The following IMPG1 variants were observed in gnomAD, a reference collection of about 807,000 sequenced individuals.
The protein encoded by IMPG1 is interphotoreceptor matrix proteoglycan of 150 kDa.
Under a neutral mutation model 92.0 loss-of-function variants are expected in IMPG1, and 85 were observed. The ratio of observed to expected loss-of-function variants is 0.92; its 90% CI spans 0.78 to 1.11. The LOEUF is 1.11. Among genes scored for constraint, IMPG1 ranks in the 50% least tolerant of loss-of-function variants. The pLI is 0.00. For missense variants in IMPG1, 1,022 were observed against 956.0 expected (o/e 1.07, Z -0.91); for synonymous variants, 367 against 334.1 (o/e 1.10, Z -1.08).
At chr6:76,035,431 G>A (rs562850605) in intron 2 of IMPG1, among the ~76,000 whole-genome samples, 1 of 151,114 alleles carries the variant, frequency 6.6e-6, no homozygotes, top group Non-Finnish European at 1.5e-5. Context: ...CCTGGGAGGC[G>A]GAGGTTGCGG....
intron 12 of IMPG1, among the ~76,000 whole-genome samples, chr6:75,958,441 G>A (rs111926795): frequency 1.3e-5 from 2 of 152,246 alleles, no homozygotes; most frequent in African/African-American, 4.8e-5. Context: ...TGTCTTGCTA[G>A]GTTGGTGAAG....
chr6:76,028,165 A>G (rs1324499110), intron 4 of IMPG1, among the ~76,000 whole-genome samples: 1 of 152,232 alleles, frequency 6.6e-6, no homozygotes, highest in African/African-American at 2.4e-5. Context: ...AGTTATTGTA[A>G]ACCATGGAGA....
intron 14 of IMPG1, among the ~76,000 whole-genome samples, chr6:75,941,539 G>T (rs1173715138): frequency 6.6e-6 from 1 of 152,088 alleles, no homozygotes; most frequent in Non-Finnish European, 1.5e-5. Flanking sequence ...TTTGCCTTTT[G>T]GCTTTCAATG....
chr6:76,046,572 C>G (rs1442800824), intron 1 of IMPG1, among the ~76,000 whole-genome samples: 2 of 152,188 alleles, frequency 1.3e-5, no homozygotes, highest in East Asian at 3.8e-4. Flanking sequence ...TGTCACTCAA[C>G]TATTCAAAAT....
intron 12 of IMPG1, among the ~76,000 whole-genome samples, chr6:75,984,694 C>T (rs1782685015): frequency 6.6e-6 from 1 of 152,148 alleles, no homozygotes. Context: ...AAATGTGAAT[C>T]CCCAGTGTTG....
At chr6:76,006,563 C>T (rs1023157497) in intron 9 of IMPG1, among the ~76,000 whole-genome samples, 2 of 148,996 alleles carry the variant, frequency 1.3e-5, no homozygotes, top group African/African-American at 2.5e-5. Flanking sequence ...TATATATATA[C>T]ATATGTGTTG....
intron 12 of IMPG1, among the ~76,000 whole-genome samples, chr6:75,970,959 C>T (rs1782403476): frequency 6.6e-6 from 1 of 152,084 alleles, no homozygotes; most frequent in African/African-American, 2.4e-5. Flanking sequence ...CCAGCAATCC[C>T]ATTACTAGGT....
At chr6:76,026,583 A>G (rs947325989) in intron 4 of IMPG1, among the ~76,000 whole-genome samples, 2 of 152,230 alleles carry the variant, frequency 1.3e-5, no homozygotes, top group African/African-American at 2.4e-5. Context: ...CCAGCTATGC[A>G]TCACCACAGC....
intron 1 of IMPG1, among the ~76,000 whole-genome samples, chr6:76,065,506 A>G (rs978877374): frequency 6.6e-6 from 1 of 152,156 alleles, no homozygotes; most frequent in Non-Finnish European, 1.5e-5. Flanking sequence ...GCTTGAAGGC[A>G]GATTTTTGAA....
chr6:76,015,402 C>T (rs1053289995), intron 7 of IMPG1, among the ~76,000 whole-genome samples: 6 of 152,218 alleles, frequency 3.9e-5, no homozygotes, highest in South Asian at 4.2e-4. Flanking sequence ...AAATCAGTGA[C>T]GACTGTGCAA....
chr6:75,974,335 CTTT>C (rs2149466689), intron 12 of IMPG1, among the ~76,000 whole-genome samples: 1 of 41,044 alleles, frequency 2.4e-5, no homozygotes, highest in South Asian at 8.6e-4. Flanking sequence ...CTTTCCCTTT[CTTT>C]CTTTCTTTCT....
rs765460746 is a variant in IMPG1, at chr6:75,953,771, C to T, written c.1292-2677G>A. On this transcript the variant is annotated intron_variant, in intron 12 of 16. Transcript: ENST00000369950. Reference sequence around the variant, plus strand: ...ATGCTATTCCTCCCCTAATCCCCCACCCCATGACAAGCCCCAGTGTGTGAT... The same window carrying T: ...ATGCTATTCCTCCCCTAATCCCCCATCCCATGACAAGCCCCAGTGTGTGAT... 1.8e-4 allele frequency among the ~76,000 whole-genome samples: 28 copies of T among 151,974 alleles called. 1 individual carries two copies. The highest frequency in any genetic ancestry group is 3.2e-4 in the Non-Finnish European group (22 of 68,002).
At chr6:75,996,181 C>G (rs541360073) in intron 12 of IMPG1, among the ~76,000 whole-genome samples, 23 of 152,212 alleles carry the variant, frequency 1.5e-4, no homozygotes, top group African/African-American at 5.3e-4. Flanking sequence ...CATGGGACCC[C>G]TGGGGAAATC....
At chr6:76,007,369 G>T in intron 9 of IMPG1, 111 bp downstream of exon 9, 2 of 739,908 alleles carry the variant, frequency 2.7e-6, no homozygotes, top group South Asian at 1.9e-5. Context: ...CCATCAAAAA[G>T]TAATGGGCTT....
intron 15 of IMPG1, among the ~76,000 whole-genome samples, chr6:75,924,298 A>G (rs959024893): frequency 7.5e-5 from 11 of 146,378 alleles, no homozygotes; most frequent in Non-Finnish European, 1.6e-4. Flanking sequence ...ACTCCCATGT[A>G]TATTGCAGCA....
intron 15 of IMPG1, among the ~76,000 whole-genome samples, chr6:75,929,885 A>G (rs1781635689): frequency 6.6e-6 from 1 of 152,080 alleles, no homozygotes; most frequent in Admixed American, 6.6e-5. Context: ...CACACACAGG[A>G]CCATTTGTTG....
At chr6:75,955,589 A>G (rs1327693860) in intron 12 of IMPG1, among the ~76,000 whole-genome samples, 1 of 151,946 alleles carries the variant, frequency 6.6e-6, no homozygotes, top group Non-Finnish European at 1.5e-5. Context: ...AATACCCTTT[A>G]TTTTTTTCTC....
chr6:76,042,577 C>T (rs1783864634), intron 1 of IMPG1, among the ~76,000 whole-genome samples: 1 of 152,142 alleles, frequency 6.6e-6, no homozygotes. Context: ...AAATAACCTT[C>T]CTGCCTATTA....
rs1406123313 is a variant in IMPG1 at position 75,974,387 on chromosome 6, C to CT, written c.1292-23294dup. The stretch of plus-strand genomic sequence containing the variant: ...TCTTTCTTTCTTTCTTTCTTTCTTT[C>CT]TTTCTTTTCTTTCTTTCCTTCCTTC... On this transcript the variant is annotated intron_variant, in intron 12 of 16. Coordinates refer to ENST00000369950, the MANE Select transcript of IMPG1 (RefSeq NM_001563.4). 1.0e-3 allele frequency among the ~76,000 whole-genome samples: 62 copies of CT among 60,924 alleles called. 1 individual carries two copies. The highest frequency in any genetic ancestry group is 3.3e-3 in the African/African-American group (57 of 17,200). The allele number at this position is 60,924 out of a possible 152,430, so 40.0% of individuals were successfully genotyped here. A position where few individuals can be genotyped will look rare whatever the true frequency, so the allele number is the denominator to read the frequency against.
Sources: allele counts gnomAD v4.1 joint callset (sites outside exome capture counted in the v4.1 genomes callset), GRCh38; gene constraint gnomAD v4.1.1; transcripts MANE v1.5; gene names NCBI Gene and HGNC (gene_info 2026-07-23, HGNC 2026-07-21).